PKIB: variants seen among roughly 807,000 people sequenced by gnomAD.
PKIB encodes the protein PKI-beta.
A neutral mutation model predicts 4.5 loss-of-function variants in PKIB; 2 were observed. The ratio of observed to expected loss-of-function variants is 0.44; its 90% CI spans 0.18 to 1.39. The LOEUF is 1.39. Ranked by LOEUF, PKIB falls within the 40% of genes most tolerant of loss-of-function variation. The probability of loss-of-function intolerance (pLI) is 0.27; values close to 1 mark genes in which losing one functional copy is unlikely to be tolerated. For missense variants in PKIB, 94 were observed against 92.6 expected (o/e 1.02, Z -0.06); for synonymous variants, 38 against 36.0 (o/e 1.06, Z -0.20).
chr6:122,602,641 G>A (rs531027633), intron 3 of PKIB, among the ~76,000 whole-genome samples: 5 of 152,190 alleles, frequency 3.3e-5, no homozygotes, highest in East Asian at 3.9e-4. Flanking sequence ...TTGGCCAGGC[G>A]TGGTGGCACA....
chr6:122,507,446 C>T (rs977079113), intron 2 of PKIB, among the ~76,000 whole-genome samples: 8 of 152,002 alleles, frequency 5.3e-5, no homozygotes, highest in Non-Finnish European at 5.9e-5. Context: ...GGAGACTTAC[C>T]GTCATAGTAA....
intron 2 of PKIB, among the ~76,000 whole-genome samples, chr6:122,503,663 G>C (rs1021907485): frequency 6.6e-5 from 10 of 152,058 alleles, no homozygotes; most frequent in African/African-American, 2.4e-4. Flanking sequence ...GTTTATTTTG[G>C]GGTATTACAA....
chr6:122,552,335 C>G (rs1425881345), intron 2 of PKIB, among the ~76,000 whole-genome samples: 3 of 151,986 alleles, frequency 2.0e-5, no homozygotes, highest in African/African-American at 7.2e-5. Context: ...GCAGCTTCCT[C>G]AGCATCTCCA....
intron 3 of PKIB, among the ~76,000 whole-genome samples, chr6:122,692,204 A>G (rs1327477059): frequency 1.3e-5 from 2 of 152,198 alleles, no homozygotes; most frequent in Non-Finnish European, 2.9e-5. Flanking sequence ...TCTATAGCCT[A>G]TGTTTGCTCA....
Position 122,542,335 on chromosome 6 carries a change from T to G in PKIB, c.-247-43586T>G, listed in dbSNP as rs150290249. Among the ~76,000 whole-genome samples, 766 of 152,188 alleles carry G rather than the reference T, an allele frequency of 5.0e-3. 11 individuals carry two copies. The highest frequency in any genetic ancestry group is 0.017 in the African/African-American group (714 of 41,444). ...GGTTTTATCTACTTTTGGTCTTTGA[T>G]GATGGTGACACACAGAAGGGTTTTT... On this transcript the variant is annotated intron_variant, in intron 2 of 6. Coordinates refer to the PKIB transcript ENST00000392491.
intron 3 of PKIB, among the ~76,000 whole-genome samples, chr6:122,699,672 T>C (rs1434800672): frequency 6.6e-6 from 1 of 152,200 alleles, no homozygotes; most frequent in Admixed American, 6.5e-5. Flanking sequence ...ATGTTAATAA[T>C]TATTTTAATT....
chr6:122,514,405 C>T (rs996585380), intron 2 of PKIB, among the ~76,000 whole-genome samples: 1 of 152,148 alleles, frequency 6.6e-6, no homozygotes, highest in Non-Finnish European at 1.5e-5. Context: ...ATGCTTGAAA[C>T]TCAGGCCACA....
chr6:122,588,403 T>C (rs1179055530), intron 3 of PKIB, among the ~76,000 whole-genome samples: 4 of 152,250 alleles, frequency 2.6e-5, no homozygotes, highest in Admixed American at 2.6e-4. Flanking sequence ...CCAATGACTT[T>C]CTTCACAGAA....
intron 2 of PKIB, among the ~76,000 whole-genome samples, chr6:122,548,802 G>A (rs1772582454): frequency 6.6e-6 from 1 of 152,084 alleles, no homozygotes; most frequent in Non-Finnish European, 1.5e-5. Context: ...TTTTGATTGT[G>A]TTTTTATTCC....
chr6:122,480,378 CTTAG>C (rs1171526624), intron 2 of PKIB: 2 of 152,132 alleles, frequency 1.3e-5, no homozygotes, highest in Non-Finnish European at 2.9e-5. Context: ...CTAACCTACA[CTTAG>C]TATATCCAAT....
chr6:122,614,370 A>C (rs1300483259), intron 1 of PKIB, among the ~76,000 whole-genome samples: 1 of 152,206 alleles, frequency 6.6e-6, no homozygotes, highest in African/African-American at 2.4e-5. Flanking sequence ...AGAAGCAGCA[A>C]CAGAAGCATC....
intron 2 of PKIB, among the ~76,000 whole-genome samples, chr6:122,654,969 TTTTG>T (rs1227242133): frequency 6.6e-6 from 1 of 152,120 alleles, no homozygotes; most frequent in African/African-American, 2.4e-5. Context: ...TTCAGAGATT[TTTTG>T]TTTGTTTGTT....
chr6:122,594,958 T>A (rs1021944821), intron 3 of PKIB, among the ~76,000 whole-genome samples: 1 of 152,160 alleles, frequency 6.6e-6, no homozygotes, highest in Non-Finnish European at 1.5e-5. Context: ...TACTTAAAGG[T>A]AGAAGGACCC....
At chr6:122,575,150 G>T (rs1317461612) in intron 2 of PKIB, among the ~76,000 whole-genome samples, 19 of 152,068 alleles carry the variant, frequency 1.2e-4, no homozygotes, top group Admixed American at 1.2e-3. Flanking sequence ...ATGAAAAAAT[G>T]CTCACCATTG....
chr6:122,709,962 T>C lies in PKIB; in HGVS notation c.-8-7825T>C, dbSNP rs557113791. On this transcript the variant is annotated intron_variant, in intron 3 of 4. Coordinates refer to ENST00000368452, the MANE Select transcript of PKIB (RefSeq NM_181795.3). ...GCCTGACTCCTATCTATTTTGATGT[T>C]AACAAAACAAAATCTATTTTAATAC... Among the ~76,000 whole-genome samples the C allele has an allele frequency of 2.6e-5, 4 of 152,288 alleles. No homozygotes were observed. The South Asian group carries it at 8.3e-4, about 32-fold the overall frequency.
chr6:122,719,756 CACACACACACACAA>C (rs1554236734), intron 4 of PKIB, among the ~76,000 whole-genome samples: 2 of 53,994 alleles, frequency 3.7e-5, no homozygotes, highest in Admixed American at 2.2e-4. Flanking sequence ...CACACACACA[CACACACACACACAA>C]AGTATGTGAG....
intron 2 of PKIB, among the ~76,000 whole-genome samples, chr6:122,549,410 C>T (rs1772602041): frequency 6.6e-6 from 1 of 152,130 alleles, no homozygotes; most frequent in African/African-American, 2.4e-5. Flanking sequence ...TACTGTATAT[C>T]TAGCATTGGC....
chr6:122,507,695 T>C (rs1373719119), intron 2 of PKIB, among the ~76,000 whole-genome samples: 1 of 151,956 alleles, frequency 6.6e-6, no homozygotes, highest in Middle Eastern at 3.2e-3. Context: ...GGAATTTTGT[T>C]TATGGTAGAG....
chr6:122,651,817 T>C (rs1291031968), intron 2 of PKIB, among the ~76,000 whole-genome samples: 2 of 152,202 alleles, frequency 1.3e-5, no homozygotes, highest in African/African-American at 4.8e-5. Context: ...CCTGAGTTTA[T>C]CTTTTTCTTT....
Sources: allele counts gnomAD v4.1 joint callset (sites outside exome capture counted in the v4.1 genomes callset), GRCh38; gene constraint gnomAD v4.1.1; transcripts MANE v1.5; gene names NCBI Gene and HGNC (gene_info 2026-07-23, HGNC 2026-07-21).